KIAA2013: variants seen among roughly 807,000 people sequenced by gnomAD.
The protein encoded by KIAA2013 is KIAA2013.
A neutral mutation model predicts 39.9 loss-of-function variants in KIAA2013; 20 were observed. The observed-to-expected ratio is 0.50, with a 90% CI of 0.35 to 0.73. The LOEUF is 0.73. Ranked by LOEUF, KIAA2013 falls within the 30% of genes least tolerant of loss-of-function variation. The pLI is 0.01. For missense variants in KIAA2013, 587 were observed against 856.1 expected (o/e 0.69, Z 3.92); for synonymous variants, 336 against 416.6 (o/e 0.81, Z 2.35).
intron 2 of KIAA2013, chr1:11,922,420 G>C (rs1276592271): frequency 6.9e-7 from 1 of 1,449,564 alleles, no homozygotes; most frequent in Non-Finnish European, 9.1e-7. Flanking sequence ...TGGAAAGCCA[G>C]AAGACCATCA....
Position 11,926,133 on chromosome 1 carries a change from A to C in KIAA2013, c.105T>G (p.Phe35Leu). ...CCGCCCGCCGCGCGCCGGACCCCCC[A>C]AACCACAGAAGCAGCAGCAGGAGGC... ...LLGLLLLLLW[F>L]GGSGARRAAG... The change falls in exon 1 of 3, where the codon TTT (phenylalanine) becomes TTG (leucine). Residue 35 changes from phenylalanine (F) to leucine (L), a missense_variant. Phe to Leu is a conservative substitution (Grantham distance 22). Coordinates refer to ENST00000376572, the MANE Select transcript of KIAA2013 (RefSeq NM_138346.3). The C allele has an allele frequency of 7.1e-7, 1 of 1,404,008 alleles. No individual in the cohort carries two copies. The highest frequency in any genetic ancestry group is 9.3e-7 in the Non-Finnish European group (1 of 1,073,358). The allele number at this position is 1,404,008 out of a possible 1,614,324, so 87.0% of individuals were successfully genotyped here. A position where few individuals can be genotyped will look rare whatever the true frequency, so the allele number is the denominator to read the frequency against.
In KIAA2013 at chr1:11,922,993, G is replaced by T; in HGVS notation, c.1530C>A (p.Ser510=). Residue 510 remains serine, a synonymous_variant, in exon 2 of 3, where the codon TCC becomes TCA. Transcript: ENST00000376572. The stretch of plus-strand genomic sequence containing the variant: ...TGACAGGCTGGCCACGGGACTCCAC[G>T]GACACGTGTAGGTAGGGCTTGCCCT... ...DAEGKPYLHV[S]VESRGQPVKI... is the part of the protein sequence containing the mutation. 1.9e-6 allele frequency: 3 copies of T among 1,613,044 alleles called. No homozygotes were observed. Among genetic ancestry groups the T allele is most frequent in the Non-Finnish European group, 2.5e-6 (3 of 1,179,160 alleles).
chr1:11,925,215 G>C lies in KIAA2013; in HGVS notation c.1023C>G (p.Leu341=), dbSNP rs144953319. 1.0e-4 allele frequency: 164 copies of C among 1,583,050 alleles called. No individual in the cohort carries two copies. The East Asian group carries it at 3.6e-3, about 35-fold the overall frequency. ...CTGGCCAGGACTCACCTGGGCTGAA[G>C]AGCTGAGCCCAGAGGAGCTGGTGGT... ...LQDHQLLWAQ[L]FSPGVEMKKI... The change falls in exon 1 of 3, where the codon CTC becomes CTG. Residue 341 remains leucine, a synonymous_variant. Coordinates refer to ENST00000376572, the MANE Select transcript of KIAA2013 (RefSeq NM_138346.3). The surrounding 1 kb of genome is among the most constrained non-coding windows in gnomAD (Gnocchi z 5.2).
rs1557472228 is a variant in KIAA2013 at position 11,923,178 on chromosome 1, C to G, written c.1345G>C (p.Gly449Arg). ...CTGAGCACCATCCCCTGCAGGATGCCTGGGGCACCCACCTTCACCAGCCCC... is the reference window on the plus strand; with the variant it reads ...CTGAGCACCATCCCCTGCAGGATGCGTGGGGCACCCACCTTCACCAGCCCC... Reference protein sequence around the residue: ...CKGLVKVGAPGILQGMVLSFG... With the variant: ...CKGLVKVGAPRILQGMVLSFG... Residue 449 changes from glycine to arginine, a missense_variant, in exon 2 of 3, where the codon GGC becomes CGC. Gly to Arg is a moderately radical substitution (Grantham distance 125). Transcript: ENST00000376572. This position sits in a 1 kb window ranked among gnomAD's most constrained non-coding sequence, Gnocchi z 4.6. 6.2e-7 allele frequency: 1 copy of G among 1,613,664 alleles called. No individual in the cohort carries two copies. The highest frequency in any genetic ancestry group is 8.5e-7 in the Non-Finnish European group (1 of 1,179,812).
In KIAA2013 at chr1:11,923,502, G is replaced by C. The variant is rs2100720580; in HGVS notation, c.1034-13C>G. 2 of 1,601,902 alleles carry C rather than the reference G, an allele frequency of 1.2e-6. No individual in the cohort carries two copies. The highest frequency in any genetic ancestry group is 2.2e-5 in the South Asian group (2 of 91,048). The stretch of plus-strand genomic sequence containing the variant: ...TTCATTTCCACTCCTGCAACACCAT[G>C]AAAGCGGCATGTTAAGGGGGAAGGA... On this transcript the variant is annotated splice_polypyrimidine_tract_variant and intron_variant, in intron 1 of 2. Transcript: ENST00000376572. This position sits in a 1 kb window ranked among gnomAD's most constrained non-coding sequence, Gnocchi z 4.6.
chr1:11,919,888 TG>T lies in KIAA2013; in HGVS notation c.*426del. On this transcript the variant is annotated 3_prime_UTR_variant, in exon 3 of 3. Transcript: ENST00000376572. ...GCCAACACTCACCATCTACAGGGGA[TG>T]CAAAAGCCATCTAGCAAAATCTCAA... 4.1e-6 allele frequency: 1 copy of T among 240,988 alleles called. No homozygotes were observed. The highest frequency in any genetic ancestry group is 8.2e-6 in the Non-Finnish European group (1 of 121,764). 14.9% of individuals were successfully genotyped at this position (240,988 alleles called of 1,614,324 possible).
At position 11,922,999 on chromosome 1, in the gene KIAA2013, G is replaced by A. The variant is rs777227492; in HGVS notation, c.1524C>T (p.His508=). 1.4e-5 allele frequency: 22 copies of A among 1,612,762 alleles called. No homozygotes were observed. Among genetic ancestry groups the A allele is most frequent in the Admixed American group, 1.0e-4 (6 of 59,984 alleles). The change falls in exon 2 of 3, where the codon CAC becomes CAT. Residue 508 remains histidine (H), a synonymous_variant. Coordinates refer to ENST00000376572, the MANE Select transcript of KIAA2013 (RefSeq NM_138346.3). ...LADAEGKPYL[H]VSVESRGQPV... The stretch of plus-strand genomic sequence containing the variant: ...GCTGGCCACGGGACTCCACGGACAC[G>A]TGTAGGTAGGGCTTGCCCTCGGCAT...
Position 11,920,217 on chromosome 1 carries a change from G to A in KIAA2013, c.*98C>T. ...CGGTTTCCCCCAACAAGGCACAAAG[G>A]GCGGGTGCTTCCAAAGGATCCCTTG... is the stretch of plus-strand genomic sequence containing the variant. On this transcript the variant is annotated 3_prime_UTR_variant, in exon 3 of 3. Coordinates refer to ENST00000376572, the MANE Select transcript of KIAA2013 (RefSeq NM_138346.3). The A allele has an allele frequency of 1.5e-6, 2 of 1,310,732 alleles. No individual in the cohort carries two copies. The highest frequency in any genetic ancestry group is 2.2e-6 in the Non-Finnish European group (2 of 904,248). The allele number at this position is 1,310,732 out of a possible 1,614,324, so 81.2% of individuals were successfully genotyped here.
Position 11,925,324 on chromosome 1 carries a change from G to A in KIAA2013, c.914C>T (p.Ala305Val). 6.2e-7 allele frequency: 1 copy of A among 1,613,872 alleles called. No individual in the cohort carries two copies. Among genetic ancestry groups the A allele is most frequent in the Non-Finnish European group, 8.5e-7 (1 of 1,179,868 alleles). ...INPQVLKSKA[A>V]KELKALQDLA... ...GTCCTGCAGCGCCTTGAGCTCCTTGGCTGCTTTGCTTTTGAGCACCTGGGG... is the reference window on the plus strand; with the variant it reads ...GTCCTGCAGCGCCTTGAGCTCCTTGACTGCTTTGCTTTTGAGCACCTGGGG... The change falls in exon 1 of 3, where the codon GCC becomes GTC. Residue 305 changes from alanine (A) to valine (V), a missense_variant. Transcript: ENST00000376572. The surrounding 1 kb of genome is among the most constrained non-coding windows in gnomAD (Gnocchi z 5.2).
At position 11,925,279 on chromosome 1, in the gene KIAA2013, A is replaced by C. The variant is rs777012939; in HGVS notation, c.959T>G (p.Leu320Arg). 1 of 1,612,868 alleles carries C rather than the reference A, an allele frequency of 6.2e-7. No homozygotes were observed. Among genetic ancestry groups the C allele is most frequent in the African/African-American group, 1.3e-5 (1 of 74,920 alleles). ...CGCCGCTGGCATGTCCAAGAGCTCC[A>C]GCATTTCCTTCCGTGCCAAGTCCTG... ...ALQDLARKEM[L>R]ELLDMPAAEL... is the part of the protein sequence containing the mutation. Residue 320 changes from leucine (L) to arginine (R), a missense_variant, in exon 1 of 3, where the codon CTG becomes CGG. Transcript: ENST00000376572. The surrounding 1 kb of genome is among the most constrained non-coding windows in gnomAD (Gnocchi z 5.2).
intron 1 of KIAA2013, among the ~76,000 whole-genome samples, chr1:11,924,043 C>T (rs1335030185): frequency 6.6e-6 from 1 of 152,118 alleles, no homozygotes; most frequent in African/African-American, 2.4e-5. Context: ...ATGCCTAAAA[C>T]AGCCCTGGCA....
rs377579870 is a variant in KIAA2013, at chr1:11,925,257, C to T, written c.981G>A (p.Ala327=). 3 of 1,609,732 alleles carry T rather than the reference C, an allele frequency of 1.9e-6. No homozygotes were observed. In the African/African-American group the frequency reaches 4.0e-5, roughly 21 times the overall value. The part of the protein sequence containing the change: ...KEMLELLDMP[A]AELLQDHQLL... The stretch of plus-strand genomic sequence containing the variant: ...GCTGGTGGTCTTGAAGCAGCTCCGC[C>T]GCTGGCATGTCCAAGAGCTCCAGCA... Residue 327 remains alanine (A), a synonymous_variant, in exon 1 of 3, where the codon GCG becomes GCA. Transcript: ENST00000376572. This position sits in a 1 kb window ranked among gnomAD's most constrained non-coding sequence, Gnocchi z 5.2.
rs79488619 is a variant in KIAA2013, at chr1:11,922,490, G to A, written c.1887+146C>T. On this transcript the variant is annotated intron_variant, in intron 2 of 2. Transcript: ENST00000376572. ...TCGTCTCCTCTCAAAACACTTGTGC[G>A]CGCTCTCTGGTGTCAAGGGCTGAGG... is the stretch of plus-strand genomic sequence containing the variant. 1.1e-3 allele frequency: 1,686 copies of A among 1,517,366 alleles called. 11 individuals carry two copies. In the African/African-American group the frequency reaches 0.019, roughly 17 times the overall value. 94.0% of individuals were successfully genotyped at this position (1,517,366 alleles called of 1,614,324 possible). A position where few individuals can be genotyped will look rare whatever the true frequency, so the allele number is the denominator to read the frequency against.
In KIAA2013 at chr1:11,925,063, A is replaced by G. The variant is rs755636126; in HGVS notation, c.1033+142T>C. ...TAGGCGACGAATCCAAAGGTCGCAC[A>G]GACACTAAGCAGTTGAGCAGATTCA... On this transcript the variant is annotated intron_variant, in intron 1 of 2. Transcript: ENST00000376572. The surrounding 1 kb of genome is among the most constrained non-coding windows in gnomAD (Gnocchi z 5.2). The G allele has an allele frequency of 1.4e-6, 1 of 719,324 alleles. No individual in the cohort carries two copies. The highest frequency in any genetic ancestry group is 2.3e-6 in the Non-Finnish European group (1 of 440,514). The allele number at this position is 719,324 out of a possible 1,614,324, so 44.6% of individuals were successfully genotyped here.
chr1:11,926,223 C>G lies in KIAA2013; in HGVS notation c.15G>C (p.Gln5His). Residue 5 changes from glutamine to histidine, a missense_variant, in exon 1 of 3, where the codon CAG becomes CAC. Gln to His is a conservative substitution (Grantham distance 24). Coordinates refer to ENST00000376572, the MANE Select transcript of KIAA2013 (RefSeq NM_138346.3). Reference protein sequence around the residue: MWLQQRLKGLPGLLS... With the variant: MWLQHRLKGLPGLLS... ...GCAGTCCCGGCAGCCCCTTGAGCCGCTGCTGCAGCCACATCGGGCCGCCAG... is the reference window on the plus strand; with the variant it reads ...GCAGTCCCGGCAGCCCCTTGAGCCGGTGCTGCAGCCACATCGGGCCGCCAG... The G allele has an allele frequency of 8.0e-7, 1 of 1,257,002 alleles. No homozygotes were observed. The highest frequency in any genetic ancestry group is 1.0e-6 in the Non-Finnish European group (1 of 989,640). 77.9% of individuals were successfully genotyped at this position (1,257,002 alleles called of 1,614,324 possible).
chr1:11,923,512 T>G lies in KIAA2013; in HGVS notation c.1034-23A>C. ...CTCCTGCAACACCATGAAAGCGGCA[T>G]GTTAAGGGGGAAGGACAGCTGGGAG... On this transcript the variant is annotated intron_variant, in intron 1 of 2. Transcript: ENST00000376572. The surrounding 1 kb of genome is among the most constrained non-coding windows in gnomAD (Gnocchi z 4.6). 3.7e-6 allele frequency: 6 copies of G among 1,600,162 alleles called. No individual in the cohort carries two copies. Among genetic ancestry groups the G allele is most frequent in the Non-Finnish European group, 3.4e-6 (4 of 1,179,480 alleles).
At position 11,923,090 on chromosome 1, in the gene KIAA2013, T is replaced by C. The variant is rs1384092872; in HGVS notation, c.1433A>G (p.His478Arg). 1.2e-6 allele frequency: 2 copies of C among 1,610,872 alleles called. No individual in the cohort carries two copies. Among genetic ancestry groups the C allele is most frequent in the Non-Finnish European group, 1.7e-6 (2 of 1,177,528 alleles). ...LQFQADPDVL[H>R]NSYALHGIRY... ...GATGCCATGCAATGCATAGCTGTTG[T>C]GCAGCACGTCGGGGTCGGCCTGGAA... is the stretch of plus-strand genomic sequence containing the variant. Residue 478 changes from histidine (H) to arginine (R), a missense_variant, in exon 2 of 3, where the codon CAC (histidine) becomes CGC (arginine). Physicochemically the swap from His to Arg is conservative, Grantham distance 29. Transcript: ENST00000376572. This position sits in a 1 kb window ranked among gnomAD's most constrained non-coding sequence, Gnocchi z 4.6.
Position 11,922,746 on chromosome 1 carries a change from G to A in KIAA2013, c.1777C>T (p.Leu593Phe). 2 of 1,614,096 alleles carry A rather than the reference G, an allele frequency of 1.2e-6. No homozygotes were observed. The highest frequency in any genetic ancestry group is 2.2e-5 in the South Asian group (2 of 91,050). ...AGGGAGGCCACGCTGAACCAGAAGAGGAAGGGCAGCCCGGGGTCCTGCTGG... is the reference window on the plus strand; with the variant it reads ...AGGGAGGCCACGCTGAACCAGAAGAAGAAGGGCAGCCCGGGGTCCTGCTGG... ...MAQQDPGLPFLFWFSVASLIT... is the reference protein window; with the variant it reads ...MAQQDPGLPFFFWFSVASLIT... The change falls in exon 2 of 3, where the codon CTC (leucine) becomes TTC (phenylalanine). Residue 593 changes from leucine (L) to phenylalanine (F), a missense_variant. Coordinates refer to ENST00000376572, the MANE Select transcript of KIAA2013 (RefSeq NM_138346.3).
Position 11,923,361 on chromosome 1 carries a change from C to T in KIAA2013, c.1162G>A (p.Asp388Asn). Reference protein sequence around the residue: ...LSPSLSHRERDQMESTLNYED... With the variant: ...LSPSLSHRERNQMESTLNYED... ...TAGTTGAGCGTCGACTCCATCTGGT[C>T]TCGCTCCCTGTGGCTCAGGGAGGGG... Residue 388 changes from aspartate to asparagine, a missense_variant, in exon 2 of 3, where the codon GAC becomes AAC. Physicochemically the swap from Asp to Asn is conservative, Grantham distance 23. Coordinates refer to ENST00000376572, the MANE Select transcript of KIAA2013 (RefSeq NM_138346.3). The surrounding 1 kb of genome is among the most constrained non-coding windows in gnomAD (Gnocchi z 4.6). 1 of 1,613,420 alleles carries T rather than the reference C, an allele frequency of 6.2e-7. No homozygotes were observed. The highest frequency in any genetic ancestry group is 8.5e-7 in the Non-Finnish European group (1 of 1,180,002).
Sources: allele counts gnomAD v4.1 joint callset (sites outside exome capture counted in the v4.1 genomes callset), GRCh38; gene constraint gnomAD v4.1.1; non-coding constraint Gnocchi (gnomAD v3.1); transcripts MANE v1.5; gene names NCBI Gene and HGNC (gene_info 2026-07-23, HGNC 2026-07-21).